Variants in MTUS2 observed in about 807,000 individuals in gnomAD.
The protein encoded by MTUS2 is microtubule-associated tumor suppressor candidate 2.
A neutral mutation model predicts 114.1 loss-of-function variants in MTUS2; 40 were observed. The ratio of observed to expected loss-of-function variants is 0.35; its 90% CI spans 0.27 to 0.46. The LOEUF is 0.46. Among genes scored for constraint, MTUS2 ranks in the 20% least tolerant of loss-of-function variants. The pLI is 1.00. For missense variants in MTUS2, 1,679 were observed against 1,705.4 expected (o/e 0.98, Z 0.27); for synonymous variants, 688 against 672.0 (o/e 1.02, Z -0.37).
intron 2 of MTUS2, among the ~76,000 whole-genome samples, chr13:28,933,350 A>G (rs1227716507): frequency 1.3e-5 from 2 of 152,190 alleles, no homozygotes; most frequent in Admixed American, 6.5e-5. Context: ...TCTCTGTTGC[A>G]GTATTGAGGC....
At chr13:28,898,755 AT>A (rs1566207071) in intron 2 of MTUS2, among the ~76,000 whole-genome samples, 2 of 152,270 alleles carry the variant, frequency 1.3e-5, no homozygotes, top group East Asian at 1.9e-4. Flanking sequence ...AGACATTAAT[AT>A]TTTTATTTTA....
At chr13:29,042,505 C>T (rs1887413156) in intron 4 of MTUS2, among the ~76,000 whole-genome samples, 1 of 152,082 alleles carries the variant, frequency 6.6e-6, no homozygotes, top group African/African-American at 2.4e-5. Context: ...AGGATTCCCT[C>T]TTTGTCTGTC....
At chr13:29,342,277 C>A (rs778634969) in intron 7 of MTUS2, among the ~76,000 whole-genome samples, 1 of 152,096 alleles carries the variant, frequency 6.6e-6, no homozygotes, top group Non-Finnish European at 1.5e-5. Context: ...TTCTACCCAT[C>A]CATGAGCATG....
intron 2 of MTUS2, among the ~76,000 whole-genome samples, chr13:28,993,689 T>G (rs1477186328): frequency 6.6e-6 from 1 of 152,094 alleles, no homozygotes; most frequent in Non-Finnish European, 1.5e-5. Flanking sequence ...TTATCTTTGT[T>G]GACTTTATTG....
Position 29,149,021 on chromosome 13 carries a change from G to A in MTUS2, c.2644+48051G>A, listed in dbSNP as rs564671254. Among the ~76,000 whole-genome samples, 16 of 152,256 alleles carry A rather than the reference G, an allele frequency of 1.1e-4. No homozygotes were observed. In the South Asian group the frequency reaches 2.5e-3, roughly 24 times the overall value. On this transcript the variant is annotated intron_variant, in intron 5 of 15. Transcript: ENST00000612955. ...TGTGCATGTATTTTTATAATAGAAT[G>A]ATGTATATTCCTTTGGGTATGTACC... is the stretch of plus-strand genomic sequence containing the variant.
intron 5 of MTUS2, among the ~76,000 whole-genome samples, chr13:29,241,850 A>G (rs952954934): frequency 1.3e-5 from 2 of 152,128 alleles, no homozygotes; most frequent in Non-Finnish European, 2.9e-5. Flanking sequence ...AATCCACCTT[A>G]GAAAGCCTTG....
chr13:29,110,751 C>T (rs1015261494), intron 5 of MTUS2, among the ~76,000 whole-genome samples: 1 of 152,078 alleles, frequency 6.6e-6, no homozygotes, highest in Admixed American at 6.5e-5. Context: ...AGTTTATCCA[C>T]CTTAACTCAG....
In MTUS2 at chr13:28,944,446, T is replaced by C. The variant is rs191577496; in HGVS notation, c.-242-80011T>C. Among the ~76,000 whole-genome samples the C allele has an allele frequency of 3.9e-5, 6 of 152,336 alleles. No individual in the cohort carries two copies. In the East Asian group the frequency reaches 1.2e-3, roughly 29 times the overall value. On this transcript the variant is annotated intron_variant, in intron 2 of 15. Coordinates refer to ENST00000612955, the MANE Select transcript of MTUS2 (RefSeq NM_001033602.4). ...TGCTTCAAATGGATTGTCTAAATTT[T>C]AGGTATAGATATTACAGAGTGCTAG...
intron 8 of MTUS2, among the ~76,000 whole-genome samples, chr13:29,416,753 G>A (rs1022213293): frequency 1.7e-4 from 26 of 152,036 alleles, no homozygotes; most frequent in Admixed American, 1.7e-3. Flanking sequence ...TTAAAATACT[G>A]CTCTATTTGT....
intron 5 of MTUS2, among the ~76,000 whole-genome samples, chr13:29,237,340 T>G (rs9550453): frequency 0.76 from 115,334 of 151,932 alleles, 43,905 homozygotes; most frequent in East Asian, 0.89. Flanking sequence ...CTGGTTTTTT[T>G]GGGTCATTTC....
chr13:29,233,163 T>C (rs554924340), intron 5 of MTUS2, among the ~76,000 whole-genome samples: 134 of 152,170 alleles, frequency 8.8e-4, no homozygotes, highest in Non-Finnish European at 1.1e-3. Context: ...ACTTCATTCT[T>C]CCGACTGTGA....
intron 5 of MTUS2, among the ~76,000 whole-genome samples, chr13:29,128,869 A>G (rs1891632475): frequency 6.6e-6 from 1 of 152,186 alleles, no homozygotes; most frequent in Non-Finnish European, 1.5e-5. Flanking sequence ...AAAACTGAAC[A>G]AAGTCTAAAT....
rs149653177 is a variant in MTUS2, at chr13:28,947,546, C to CA, written c.-242-76902dup. ...GCCACATGAGATCTTTCGGCTTTTG[C>CA]AAAAAAAAATGCTTATTGCTGTTAA... On this transcript the variant is annotated intron_variant, in intron 2 of 15. Coordinates refer to ENST00000612955, the MANE Select transcript of MTUS2 (RefSeq NM_001033602.4). 8.8e-3 allele frequency among the ~76,000 whole-genome samples: 1,315 copies of CA among 149,114 alleles called. 13 individuals are homozygous for CA. Among genetic ancestry groups the CA allele is most frequent in the East Asian group, 0.068 (347 of 5,122 alleles).
At chr13:28,965,321 A>C (rs1474488774) in intron 2 of MTUS2, among the ~76,000 whole-genome samples, 15 of 152,148 alleles carry the variant, frequency 9.9e-5, no homozygotes, top group Non-Finnish European at 2.2e-4. Context: ...CATCGTTTGT[A>C]ATCAGTGGGC....
intron 9 of MTUS2, among the ~76,000 whole-genome samples, chr13:29,472,500 C>T (rs752167627): frequency 2.6e-5 from 4 of 152,154 alleles, no homozygotes; most frequent in South Asian, 2.1e-4. Flanking sequence ...TGTGACCTAA[C>T]GGGTTTGGAC....
At chr13:29,312,408 T>A (rs533443193) in intron 6 of MTUS2, among the ~76,000 whole-genome samples, 1 of 152,282 alleles carries the variant, frequency 6.6e-6, no homozygotes, top group Admixed American at 6.5e-5. Context: ...TCTCCAAAAA[T>A]TTTTAAAAGG....
At chr13:29,130,904 G>A (rs559734092) in intron 5 of MTUS2, among the ~76,000 whole-genome samples, 60 of 152,306 alleles carry the variant, frequency 3.9e-4, no homozygotes, top group Non-Finnish European at 5.3e-4. Context: ...GATTACAGGC[G>A]TGAACTACTG....
At chr13:28,829,389 A>T (rs1874502774) in intron 1 of MTUS2, among the ~76,000 whole-genome samples, 1 of 152,022 alleles carries the variant, frequency 6.6e-6, no homozygotes, top group Non-Finnish European at 1.5e-5. Context: ...AAAATTAGCC[A>T]GGCATGGTGG....
chr13:29,435,517 C>T (rs559810593), intron 8 of MTUS2, among the ~76,000 whole-genome samples: 5 of 152,240 alleles, frequency 3.3e-5, no homozygotes, highest in African/African-American at 7.2e-5. Context: ...AAGGGAGTCC[C>T]GGGTGTTCAA....
Sources: allele counts gnomAD v4.1 joint callset (sites outside exome capture counted in the v4.1 genomes callset), GRCh38; gene constraint gnomAD v4.1.1; transcripts MANE v1.5; gene names NCBI Gene and HGNC (gene_info 2026-07-23, HGNC 2026-07-21).